CSMD1: variants seen among roughly 807,000 people sequenced by gnomAD.
The protein encoded by CSMD1 is CUB and sushi domain-containing protein 1.
In CSMD1, 213 loss-of-function variants were observed where a neutral mutation model predicts 417.5. That is an observed-to-expected ratio of 0.51 (90% confidence interval 0.46 to 0.57). The LOEUF is 0.57. Among genes scored for constraint, CSMD1 ranks in the 20% least tolerant of loss-of-function variants. CSMD1 has a pLI of 0.00. For missense variants in CSMD1, 6,923 were observed against 4,529.7 expected (o/e 1.53, Z -15.17); for synonymous variants, 2,862 against 1,736.8 (o/e 1.65, Z -16.11).
At chr8:3,317,428 A>G (rs1805846503) in intron 23 of CSMD1, among the ~76,000 whole-genome samples, 1 of 152,200 alleles carries the variant, frequency 6.6e-6, no homozygotes, top group Non-Finnish European at 1.5e-5. Flanking sequence ...TTGACACTCA[A>G]TCACACAAGT....
intron 2 of CSMD1, among the ~76,000 whole-genome samples, chr8:4,624,863 C>T (rs745860688): frequency 1.3e-5 from 2 of 152,094 alleles, no homozygotes; most frequent in Admixed American, 6.6e-5. Context: ...AAATTACATT[C>T]GTTTCCATTC....
chr8:4,896,058 G>C (rs932549323), intron 1 of CSMD1, among the ~76,000 whole-genome samples: 4 of 151,950 alleles, frequency 2.6e-5, no homozygotes, highest in Non-Finnish European at 5.9e-5. Context: ...TCAATGTGTG[G>C]TTTGCACTAT....
intron 2 of CSMD1, among the ~76,000 whole-genome samples, chr8:4,493,686 C>T (rs1348611785): frequency 6.6e-6 from 1 of 152,082 alleles, no homozygotes; most frequent in Admixed American, 6.6e-5. Flanking sequence ...GAGAGTGCAA[C>T]TCTACCTCAA....
intron 25 of CSMD1, among the ~76,000 whole-genome samples, chr8:3,292,817 C>T (rs866759016): frequency 1.6e-4 from 24 of 152,072 alleles, no homozygotes; most frequent in African/African-American, 3.4e-4. Context: ...GAGCATTTAG[C>T]CCATTTACAT....
intron 7 of CSMD1, among the ~76,000 whole-genome samples, chr8:3,704,186 G>C (rs1218199357): frequency 6.6e-6 from 1 of 152,210 alleles, no homozygotes; most frequent in African/African-American, 2.4e-5. Flanking sequence ...GGTTGTTGGA[G>C]ATGCAGCCGG....
intron 7 of CSMD1, among the ~76,000 whole-genome samples, chr8:3,687,334 G>A (rs1585076519): frequency 6.6e-6 from 1 of 152,310 alleles, no homozygotes; most frequent in Non-Finnish European, 1.5e-5. Context: ...ATGTAAGGCT[G>A]CAGAAGGCTG....
At chr8:4,246,210 T>C (rs1274409165) in intron 3 of CSMD1, among the ~76,000 whole-genome samples, 3 of 152,154 alleles carry the variant, frequency 2.0e-5, no homozygotes, top group Admixed American at 6.5e-5. Flanking sequence ...GTGTGTGTTG[T>C]TCCCCCAGTG....
At chr8:4,023,904 A>G (rs1342849277) in intron 4 of CSMD1, among the ~76,000 whole-genome samples, 1 of 151,598 alleles carries the variant, frequency 6.6e-6, no homozygotes, top group Non-Finnish European at 1.5e-5. Flanking sequence ...GGCGTGAGCC[A>G]CAGCACCCGA....
At chr8:3,168,694 C>A (rs1820388031) in intron 37 of CSMD1, among the ~76,000 whole-genome samples, 2 of 151,552 alleles carry the variant, frequency 1.3e-5, no homozygotes, top group Non-Finnish European at 1.5e-5. Flanking sequence ...TAACATAGTA[C>A]CTTATGAAAA....
chr8:3,934,849 T>A (rs1033100737), intron 5 of CSMD1, among the ~76,000 whole-genome samples: 5 of 151,988 alleles, frequency 3.3e-5, no homozygotes, highest in Admixed American at 2.0e-4. Flanking sequence ...TCTGTCTCAA[T>A]AAATAAATTA....
chr8:3,074,830 T>C (rs1813536815), intron 49 of CSMD1, among the ~76,000 whole-genome samples: 1 of 152,234 alleles, frequency 6.6e-6, no homozygotes, highest in South Asian at 2.1e-4. Context: ...TCAATTGATA[T>C]AAAGACATAG....
intron 2 of CSMD1, among the ~76,000 whole-genome samples, chr8:4,422,670 G>T (rs760801169): frequency 6.6e-6 from 1 of 152,030 alleles, no homozygotes; most frequent in African/African-American, 2.4e-5. Flanking sequence ...ACTTATAGTA[G>T]TTTGTTATGG....
At chr8:4,894,644 G>A (rs973609745) in intron 1 of CSMD1, among the ~76,000 whole-genome samples, 4 of 151,710 alleles carry the variant, frequency 2.6e-5, no homozygotes, top group South Asian at 2.1e-4. Context: ...GCAAATATCT[G>A]CAAAGGGATT....
chr8:4,280,097 T>C (rs1366467973), intron 3 of CSMD1, among the ~76,000 whole-genome samples: 1 of 152,252 alleles, frequency 6.6e-6, no homozygotes, highest in African/African-American at 2.4e-5. Flanking sequence ...AACTCTGTTT[T>C]GTATGCTCTC....
chr8:4,446,602 G>A (rs974840726), intron 2 of CSMD1, among the ~76,000 whole-genome samples: 3 of 152,104 alleles, frequency 2.0e-5, no homozygotes, highest in Non-Finnish European at 4.4e-5. Context: ...CACCCAGGCT[G>A]CAGTGCAGCA....
chr8:3,049,809 C>A (rs1811698244), intron 50 of CSMD1, among the ~76,000 whole-genome samples: 1 of 152,188 alleles, frequency 6.6e-6, no homozygotes, highest in African/African-American at 2.4e-5. Flanking sequence ...TCCATTGTAA[C>A]ATGCACCCCA....
In CSMD1 at chr8:2,951,290, G is replaced by T; in HGVS notation, c.10040-15C>A. On this transcript the variant is annotated splice_polypyrimidine_tract_variant and intron_variant, in intron 65 of 69. Transcript: ENST00000635120. The stretch of plus-strand genomic sequence containing the variant: ...ATCTGAAGGAACTGTGGGAAGGGGG[G>T]AAACAGACCAATGTCAGCACACACA... 1.9e-6 allele frequency: 3 copies of T among 1,592,026 alleles called. No homozygotes were observed. The highest frequency in any genetic ancestry group is 2.6e-6 in the Non-Finnish European group (3 of 1,168,924).
intron 2 of CSMD1, among the ~76,000 whole-genome samples, chr8:4,508,625 T>C (rs1802657042): frequency 6.6e-6 from 1 of 152,130 alleles, no homozygotes; most frequent in South Asian, 2.1e-4. Context: ...GATTGGAAGA[T>C]GTTTCCTCCT....
At chr8:4,965,755 T>C (rs1809817003) in intron 1 of CSMD1, among the ~76,000 whole-genome samples, 1 of 152,114 alleles carries the variant, frequency 6.6e-6, no homozygotes, top group African/African-American at 2.4e-5. Flanking sequence ...CTAATGATTA[T>C]TTAGGAAGGA....
Sources: gnomAD v4.1 joint callset for allele counts (sites outside exome capture counted in the v4.1 genomes callset) on GRCh38, gnomAD v4.1.1 for gene constraint, MANE v1.5 for transcripts, NCBI Gene and HGNC (gene_info 2026-07-23, HGNC 2026-07-21) for gene names.